The following POU2AF1 variants were observed in gnomAD, a reference collection of about 807,000 sequenced individuals.
The protein encoded by POU2AF1 is POU class 2 homeobox associating factor 1.
Under a neutral mutation model 26.3 loss-of-function variants are expected in POU2AF1, and 12 were observed. The observed-to-expected ratio is 0.46, with a 90% CI of 0.29 to 0.74. The LOEUF (loss-of-function observed/expected upper bound fraction) is 0.74, where lower values mean the gene tolerates loss of function less well. Ranked by LOEUF, POU2AF1 falls within the 30% of genes least tolerant of loss-of-function variation. POU2AF1 has a pLI of 0.09. For missense variants in POU2AF1, 297 were observed against 334.5 expected, an observed-to-expected ratio of 0.89 and a Z score of 0.87; for synonymous variants, 175 against 148.0, an observed-to-expected ratio of 1.18 and a Z score of -1.32.
chr11:111,365,257 C>T (rs1861083335), intron 1 of POU2AF1, among the ~76,000 whole-genome samples: 1 of 152,202 alleles, frequency 6.6e-6, no homozygotes, highest in East Asian at 1.9e-4. Context: ...GCTTTGCTAA[C>T]AAATGGCCCT....
At chr11:111,373,657 A>G (rs1218701127) in intron 1 of POU2AF1, among the ~76,000 whole-genome samples, 1 of 152,264 alleles carries the variant, frequency 6.6e-6, no homozygotes, top group Non-Finnish European at 1.5e-5. Flanking sequence ...TTCCAGCACT[A>G]GAACATTTGA....
At chr11:111,357,988 T>C (rs2135111139) in intron 2 of POU2AF1, 151 bp from the exon 3 acceptor site, 1 of 852,520 alleles carries the variant, frequency 1.2e-6, no homozygotes, top group Non-Finnish European at 1.8e-6. Context: ...ATCCCAACCA[T>C]CACCACCTAC....
At chr11:111,364,884 C>A (rs1243131866) in intron 1 of POU2AF1, among the ~76,000 whole-genome samples, 1 of 152,202 alleles carries the variant, frequency 6.6e-6, no homozygotes, top group Non-Finnish European at 1.5e-5. Flanking sequence ...TCTGGAATTG[C>A]CCATCTGATC....
At chr11:111,370,608 G>GC (rs1158692099) in intron 1 of POU2AF1, among the ~76,000 whole-genome samples, 1 of 152,094 alleles carries the variant, frequency 6.6e-6, no homozygotes, top group Non-Finnish European at 1.5e-5. Context: ...GCTCCAGATA[G>GC]CCCCCCAAAA....
At chr11:111,361,399 G>A (rs1332629631) in intron 1 of POU2AF1, among the ~76,000 whole-genome samples, 1 of 152,216 alleles carries the variant, frequency 6.6e-6, no homozygotes, top group Non-Finnish European at 1.5e-5. Context: ...AATCTGGGCT[G>A]TCACTTACTG....
intron 1 of POU2AF1, among the ~76,000 whole-genome samples, chr11:111,366,216 G>C (rs1591199515): frequency 6.6e-6 from 1 of 152,218 alleles, no homozygotes; most frequent in African/African-American, 2.4e-5. Flanking sequence ...AATCCCATAT[G>C]CATGTAAACG....
At chr11:111,363,684 A>T (rs1829580675) in intron 1 of POU2AF1, 4 of 496,598 alleles carry the variant, frequency 8.1e-6, no homozygotes, top group Admixed American at 6.4e-5. Context: ...AAATCCAAAG[A>T]AAATAAACCA....
At chr11:111,363,976 G>T in intron 1 of POU2AF1, 1 of 985,314 alleles carries the variant, frequency 1.0e-6, no homozygotes, top group Non-Finnish European at 1.2e-6. Context: ...TCACCATATT[G>T]CCTTTCTATA....
chr11:111,356,605 C>T (rs532400386), intron 4 of POU2AF1, among the ~76,000 whole-genome samples: 1 of 152,218 alleles, frequency 6.6e-6, no homozygotes, highest in Non-Finnish European at 1.5e-5. Context: ...ATTCCCAGTC[C>T]TTTAGTCGAA....
At chr11:111,375,390 CTT>C (rs869115956) in intron 1 of POU2AF1, among the ~76,000 whole-genome samples, 6 of 79,486 alleles carry the variant, frequency 7.5e-5, no homozygotes, top group African/African-American at 2.6e-4. Flanking sequence ...TACTGAGTAT[CTT>C]TTTTTTTTTT....
chr11:111,352,710 C>T lies in POU2AF1; in HGVS notation c.*1551G>A, dbSNP rs567092271. The T allele has an allele frequency of 7.7e-5, 13 of 169,878 alleles. No homozygotes were observed. Among genetic ancestry groups the T allele is most frequent in the East Asian group, 2.3e-4 (2 of 8,742 alleles). The allele number at this position is 169,878 out of a possible 1,614,324, so 10.5% of individuals were successfully genotyped here. On this transcript the variant is annotated 3_prime_UTR_variant, in exon 5 of 5. Coordinates refer to ENST00000393067, the MANE Select transcript of POU2AF1 (RefSeq NM_006235.3). ...CAGCACTCTGAGAGGCTGAGGCGGG[C>T]GGATCACAAGGTCAGGAGTTCGAGA...
intron 1 of POU2AF1, among the ~76,000 whole-genome samples, chr11:111,373,977 G>A (rs750584781): frequency 2.0e-5 from 3 of 152,228 alleles, no homozygotes; most frequent in Non-Finnish European, 2.9e-5. Context: ...TCTTCATTAA[G>A]TGGGAAGATA....
Position 111,359,910 on chromosome 11 carries a change from G to A in POU2AF1, c.17-992C>T, listed in dbSNP as rs532438827. 7.6e-4 allele frequency: 396 copies of A among 518,666 alleles called. 1 individual carries two copies. Among genetic ancestry groups the A allele is most frequent in the South Asian group, 5.4e-3 (386 of 71,540 alleles). The allele number at this position is 518,666 out of a possible 1,614,324, so 32.1% of individuals were successfully genotyped here. On this transcript the variant is annotated intron_variant, in intron 1 of 4. Coordinates refer to ENST00000393067, the MANE Select transcript of POU2AF1 (RefSeq NM_006235.3). ...CCCTTCACCTCTCCTACACCTTTAG[G>A]ATTGAGGCAAGTGGCTCCCAGGTTC... is the stretch of plus-strand genomic sequence containing the variant.
rs1187817196 is a variant in POU2AF1, at chr11:111,352,963, G to GAGGAAGGAAGGAAGGAAGGAAGGAAGGA, written c.*1270_*1297dup. The GAGGAAGGAAGGAAGGAAGGAAGGAAGGA allele has an allele frequency of 2.9e-5, 4 of 137,512 alleles. No homozygotes were observed. The highest frequency in any genetic ancestry group is 1.4e-4 in the African/African-American group (4 of 28,776). The allele number at this position is 137,512 out of a possible 1,614,324, so 8.5% of individuals were successfully genotyped here. A position where few individuals can be genotyped will look rare whatever the true frequency, so the allele number is the denominator to read the frequency against. On this transcript the variant is annotated 3_prime_UTR_variant, in exon 5 of 5. Coordinates refer to ENST00000393067, the MANE Select transcript of POU2AF1 (RefSeq NM_006235.3). ...AAACCAAAAAAAAGAAAGAAAGAGA[G>GAGGAAGGAAGGAAGGAAGGAAGGAAGGA]AGGAAGGAAGGAAGGAAGGAAGGAA...
intron 2 of POU2AF1, among the ~76,000 whole-genome samples, chr11:111,358,540 A>T (rs979740887): frequency 7.6e-6 from 1 of 131,976 alleles, no homozygotes; most frequent in Non-Finnish European, 1.7e-5. Flanking sequence ...CATCACACAC[A>T]AACACATACA....
At chr11:111,366,739 G>A (rs760551181) in intron 1 of POU2AF1, among the ~76,000 whole-genome samples, 7 of 152,128 alleles carry the variant, frequency 4.6e-5, no homozygotes, top group East Asian at 1.9e-4. Flanking sequence ...CCCTGACAAC[G>A]AGACCCAGGG....
chr11:111,358,661 A>G lies in POU2AF1; in HGVS notation c.147+127T>C, dbSNP rs141337871. 1,199 of 1,170,738 alleles carry G rather than the reference A, an allele frequency of 1.0e-3. 11 individuals carry two copies. The African/African-American group carries it at 0.017, about 16-fold the overall frequency. The allele number at this position is 1,170,738 out of a possible 1,614,324, so 72.5% of individuals were successfully genotyped here. A position where few individuals can be genotyped will look rare whatever the true frequency, so the allele number is the denominator to read the frequency against. On this transcript the variant is annotated intron_variant, in intron 2 of 4. Transcript: ENST00000393067. The stretch of plus-strand genomic sequence containing the variant: ...ACACTATCACACTCTCACACACTCT[A>G]TCACACACAAACACATACACACACG...
intron 1 of POU2AF1, among the ~76,000 whole-genome samples, chr11:111,372,053 C>CAGAGAGAGAGAGAGAG (rs1452632987): frequency 1.2e-4 from 15 of 128,156 alleles, no homozygotes; most frequent in African/African-American, 4.1e-4. Context: ...CACACACACA[C>CAGAGAGAGAGAGAGAG]ACACACACAC....
intron 1 of POU2AF1, chr11:111,377,792 C>T: frequency 5.4e-6 from 1 of 183,960 alleles, no homozygotes; most frequent in Non-Finnish European, 1.2e-5. Context: ...ATCCACACAG[C>T]ACTCACAACA....
Sources: gnomAD v4.1 joint callset for allele counts (sites outside exome capture counted in the v4.1 genomes callset) on GRCh38, gnomAD v4.1.1 for gene constraint, MANE v1.5 for transcripts, NCBI Gene and HGNC (gene_info 2026-07-23, HGNC 2026-07-21) for gene names.